The following SPECC1L variants were observed in gnomAD, a reference collection of about 807,000 sequenced individuals.
SPECC1L encodes the protein cytospin-A.
Under a neutral mutation model 116.8 loss-of-function variants are expected in SPECC1L, and 40 were observed. That is an observed-to-expected ratio of 0.34 (90% confidence interval 0.27 to 0.45). SPECC1L has a LOEUF of 0.45. SPECC1L is among the 20% of genes least tolerant of loss of function. The probability of loss-of-function intolerance (pLI) is 1.00; values close to 1 mark genes in which losing one functional copy is unlikely to be tolerated. For missense variants in SPECC1L, 1,110 were observed against 1,373.6 expected, an observed-to-expected ratio of 0.81 and a Z score of 3.03; for synonymous variants, 504 against 500.6, an observed-to-expected ratio of 1.01 and a Z score of -0.09.
At chr22:24,388,851 C>T (rs555322425) in intron 14 of SPECC1L, among the ~76,000 whole-genome samples, 16 of 152,096 alleles carry the variant, frequency 1.1e-4, no homozygotes, top group Non-Finnish European at 2.1e-4. Flanking sequence ...TTACAACTCC[C>T]GTACCATACA....
intron 2 of SPECC1L, among the ~76,000 whole-genome samples, chr22:24,282,882 A>G (rs186464769): frequency 5.9e-5 from 9 of 151,416 alleles, no homozygotes; most frequent in African/African-American, 9.7e-5. Flanking sequence ...GGTGCAAGCA[A>G]TTCTCCTGCC....
intron 10 of SPECC1L, among the ~76,000 whole-genome samples, chr22:24,345,897 A>G (rs971100513): frequency 1.3e-5 from 2 of 152,124 alleles, no homozygotes; most frequent in Non-Finnish European, 2.9e-5. Flanking sequence ...TAGACAAGCA[A>G]CGTGGTCTGC....
chr22:24,366,951 T>C (rs2041780366), intron 13 of SPECC1L, among the ~76,000 whole-genome samples: 1 of 152,260 alleles, frequency 6.6e-6, no homozygotes, highest in East Asian at 1.9e-4. Context: ...CCCAGCACTC[T>C]GGGAGGCCGA....
chr22:24,379,070 T>A lies in SPECC1L; in HGVS notation c.3087+9750T>A, dbSNP rs142360786. Among the ~76,000 whole-genome samples the A allele has an allele frequency of 3.6e-3, 545 of 152,014 alleles. 3 individuals carry two copies. The highest frequency in any genetic ancestry group is 0.012 in the African/African-American group (488 of 41,560). On this transcript the variant is annotated intron_variant, in intron 14 of 16. Transcript: ENST00000314328. ...TTCCATGCTGTTAGGTGTCTTCATA[T>A]AACCTAAGTTTTAAATTTTGCTAGA...
intron 14 of SPECC1L, among the ~76,000 whole-genome samples, chr22:24,381,355 A>G (rs1378871378): frequency 6.6e-6 from 1 of 152,248 alleles, no homozygotes; most frequent in East Asian, 1.9e-4. Flanking sequence ...AATAGTTTAA[A>G]TAAATGAACA....
At chr22:24,332,784 T>G (rs1569424295) in intron 8 of SPECC1L, among the ~76,000 whole-genome samples, 1 of 152,144 alleles carries the variant, frequency 6.6e-6, no homozygotes, top group Non-Finnish European at 1.5e-5. Context: ...TATTTTTAGA[T>G]GATTAAATAT....
intron 3 of SPECC1L, among the ~76,000 whole-genome samples, chr22:24,312,218 C>T (rs1034230302): frequency 9.2e-5 from 14 of 152,148 alleles, no homozygotes; most frequent in East Asian, 1.9e-4. Context: ...AGTGATCCAC[C>T]TCGGCCTCCC....
chr22:24,285,883 G>T (rs571657453), intron 2 of SPECC1L, among the ~76,000 whole-genome samples: 1 of 152,038 alleles, frequency 6.6e-6, no homozygotes, highest in Non-Finnish European at 1.5e-5. Flanking sequence ...CTCATGATCC[G>T]CCCGCCTCAG....
chr22:24,325,646 A>G (rs752841824), intron 6 of SPECC1L, among the ~76,000 whole-genome samples: 1 of 152,024 alleles, frequency 6.6e-6, no homozygotes, highest in Non-Finnish European at 1.5e-5. Flanking sequence ...AACAGTGATT[A>G]TGTGAATTCT....
chr22:24,322,890 C>G lies in SPECC1L; in HGVS notation c.1910C>G (p.Ala637Gly). 6.2e-7 allele frequency: 1 copy of G among 1,613,816 alleles called. No homozygotes were observed. The highest frequency in any genetic ancestry group is 2.2e-5 in the East Asian group (1 of 44,884). Residue 637 changes from alanine to glycine, a missense_variant, in exon 5 of 17, where the codon GCC (alanine) becomes GGC (glycine). This residue lies in a region of SPECC1L where 575 missense variants were observed against 682.4 expected (regional missense o/e 0.84). Coordinates refer to ENST00000314328, the MANE Select transcript of SPECC1L (RefSeq NM_015330.6). ...QEDLAHTRND[A>G]NRLQDAIAKV... Reference sequence around the variant, plus strand: ...GATCTGGCTCATACCCGAAATGATGCCAATCGATTACAGGATGCCATTGCT... The same window carrying G: ...GATCTGGCTCATACCCGAAATGATGGCAATCGATTACAGGATGCCATTGCT...
intron 5 of SPECC1L, 28 bp downstream of exon 5, chr22:24,322,946 C>T (rs756757744): frequency 1.7e-5 from 27 of 1,612,560 alleles, no homozygotes; most frequent in East Asian, 1.3e-4. Context: ...TAAAATGTTC[C>T]GGACAGCATT....
At chr22:24,401,292 C>T (rs1442456853) in intron 14 of SPECC1L, among the ~76,000 whole-genome samples, 1 of 152,180 alleles carries the variant, frequency 6.6e-6, no homozygotes, top group Non-Finnish European at 1.5e-5. Flanking sequence ...ACCCACAGTT[C>T]AGATTCTGTT....
At chr22:24,366,986 C>T (rs1389411797) in intron 13 of SPECC1L, among the ~76,000 whole-genome samples, 1 of 152,074 alleles carries the variant, frequency 6.6e-6, no homozygotes, top group Non-Finnish European at 1.5e-5. Flanking sequence ...TTGAGGTCAG[C>T]AGTTCGAGAT....
intron 14 of SPECC1L, among the ~76,000 whole-genome samples, chr22:24,390,867 C>CT (rs1556306072): frequency 2.6e-3 from 123 of 47,552 alleles, no homozygotes; most frequent in African/African-American, 4.1e-3. Context: ...TTTTTTTTTT[C>CT]TTTTCTTTTT....
At chr22:24,318,780 T>C (rs2040658023) in intron 4 of SPECC1L, among the ~76,000 whole-genome samples, 1 of 151,970 alleles carries the variant, frequency 6.6e-6, no homozygotes, top group Non-Finnish European at 1.5e-5. Flanking sequence ...AATACAAAAA[T>C]TAGCTGGGTA....
chr22:24,347,283 A>G (rs1263935292), intron 11 of SPECC1L, 107 bp downstream of exon 11: 1 of 818,068 alleles, frequency 1.2e-6, no homozygotes. Context: ...ATTTCAATCA[A>G]TCTGGTATAC....
At chr22:24,363,845 C>T (rs911043963) in intron 12 of SPECC1L, among the ~76,000 whole-genome samples, 1 of 137,576 alleles carries the variant, frequency 7.3e-6, no homozygotes, top group African/African-American at 2.7e-5. Context: ...CATTGCTTTA[C>T]TAATGCAGAG....
intron 10 of SPECC1L, among the ~76,000 whole-genome samples, chr22:24,340,140 CTTTTTTTTTTTTTTTTT>C (rs765402107): frequency 4.8e-5 from 5 of 105,140 alleles, no homozygotes; most frequent in African/African-American, 2.3e-4. Context: ...ATTTAATGAC[CTTTTTTTTTTTTTTTTT>C]TTTTTTTTTG....
chr22:24,336,266 T>A (rs2041052372), intron 9 of SPECC1L, among the ~76,000 whole-genome samples: 1 of 151,888 alleles, frequency 6.6e-6, no homozygotes. Flanking sequence ...TATATATATG[T>A]ATATATCTAT....
Sources: gnomAD v4.1 joint callset for allele counts (sites outside exome capture counted in the v4.1 genomes callset) on GRCh38, gnomAD v4.1.1 for gene constraint, gnomAD v4.1.1 regional missense constraint, MANE v1.5 for transcripts, NCBI Gene and HGNC (gene_info 2026-07-23, HGNC 2026-07-21) for gene names.